CDC14B: variants seen among roughly 807,000 people sequenced by gnomAD.
CDC14B encodes the protein cell division cycle 14B.
CDC14B carries 22 observed loss-of-function variants against 64.2 expected under a neutral mutation model. The ratio of observed to expected loss-of-function variants is 0.34; its 90% CI spans 0.24 to 0.49. The LOEUF (loss-of-function observed/expected upper bound fraction) is 0.49. Ranked by LOEUF, CDC14B falls within the 20% of genes least tolerant of loss-of-function variation. The pLI is 0.99. For missense variants in CDC14B, 498 were observed against 629.9 expected, an observed-to-expected ratio of 0.79 and a Z score of 2.24; for synonymous variants, 191 against 215.8, an observed-to-expected ratio of 0.89 and a Z score of 1.01.
chr9:96,573,740 A>G lies in CDC14B; in HGVS notation c.161-8257T>C, dbSNP rs531152831. ...TAAATTGCATGCTGATGTATGAATT[A>G]AATGTAATAAATTTACATGTTACAT... On this transcript the variant is annotated intron_variant, in intron 1 of 13. Transcript: ENST00000375241. Among the ~76,000 whole-genome samples, 23 of 152,338 alleles carry G rather than the reference A, an allele frequency of 1.5e-4. No individual in the cohort carries two copies. The South Asian group carries it at 4.4e-3, about 29-fold the overall frequency.
intron 1 of CDC14B, among the ~76,000 whole-genome samples, chr9:96,583,727 A>AT (rs1382940764): frequency 1.9e-4 from 26 of 138,476 alleles, no homozygotes; most frequent in South Asian, 1.2e-3. Context: ...TTTTATTTTT[A>AT]TTTTTTTTTG....
chr9:96,597,167 A>C (rs1466646432), intron 1 of CDC14B, among the ~76,000 whole-genome samples: 1 of 152,192 alleles, frequency 6.6e-6, no homozygotes, highest in African/African-American at 2.4e-5. Flanking sequence ...AAAGAAGGCT[A>C]TCAGATTTAT....
At chr9:96,566,890 A>AC (rs1844075773) in intron 1 of CDC14B, 5 of 1,552,674 alleles carry the variant, frequency 3.2e-6, no homozygotes, top group East Asian at 4.8e-5. Context: ...CCGCGACCAC[A>AC]CCCCCGAAGT....
At chr9:96,565,943 T>C (rs1299757270) in intron 1 of CDC14B, among the ~76,000 whole-genome samples, 1 of 152,234 alleles carries the variant, frequency 6.6e-6, no homozygotes, top group African/African-American at 2.4e-5. Context: ...TGCTTCAAAA[T>C]TACCGCTTAC....
chr9:96,523,837 G>A (rs1837155233), intron 9 of CDC14B, 112 bp from the exon 10 acceptor site: 1 of 1,105,220 alleles, frequency 9.0e-7, no homozygotes, highest in African/African-American at 1.6e-5. Flanking sequence ...TCTTTCAATA[G>A]TGGTTCTCAA....
intron 1 of CDC14B, among the ~76,000 whole-genome samples, chr9:96,616,562 A>G (rs769387110): frequency 6.6e-6 from 1 of 151,736 alleles, no homozygotes; most frequent in African/African-American, 2.4e-5. Flanking sequence ...TGTCTCTACT[A>G]AAAATACAAA....
At chr9:96,568,992 G>A (rs946454186) in intron 1 of CDC14B, among the ~76,000 whole-genome samples, 8 of 152,058 alleles carry the variant, frequency 5.3e-5, no homozygotes, top group Non-Finnish European at 1.0e-4. Context: ...ACTTCTATGT[G>A]TGAGTTTAAA....
At chr9:96,580,741 A>G (rs1845098355) in intron 1 of CDC14B, among the ~76,000 whole-genome samples, 1 of 152,186 alleles carries the variant, frequency 6.6e-6, no homozygotes, top group Non-Finnish European at 1.5e-5. Context: ...AATGGAAATA[A>G]TTGTCATTAA....
Position 96,581,641 on chromosome 9 carries a change from A to T in CDC14B, c.161-16158T>A, listed in dbSNP as rs561568181. 1.3e-3 allele frequency among the ~76,000 whole-genome samples: 204 copies of T among 152,152 alleles called. 2 individuals carry two copies. Among genetic ancestry groups the T allele is most frequent in the African/African-American group, 4.7e-3 (196 of 41,504 alleles). Reference sequence around the variant, plus strand: ...TCAAGGATTTGGGGGCAGGGAAGGAAGTATTTACTTTTTGAGTATTAGGTG... The same window carrying T: ...TCAAGGATTTGGGGGCAGGGAAGGATGTATTTACTTTTTGAGTATTAGGTG... On this transcript the variant is annotated intron_variant, in intron 1 of 13. Coordinates refer to ENST00000375241, the MANE Select transcript of CDC14B (RefSeq NM_033331.4).
chr9:96,593,581 T>C (rs1265752550), intron 1 of CDC14B, among the ~76,000 whole-genome samples: 1 of 151,890 alleles, frequency 6.6e-6, no homozygotes, highest in Non-Finnish European at 1.5e-5. Context: ...ATATAAATAA[T>C]TAACAGGATT....
At chr9:96,577,494 T>G (rs566468413) in intron 1 of CDC14B, among the ~76,000 whole-genome samples, 5 of 152,282 alleles carry the variant, frequency 3.3e-5, no homozygotes, top group African/African-American at 9.6e-5. Flanking sequence ...CAAAAAAAAT[T>G]AATTATTTCT....
chr9:96,512,823 G>A (rs188852502), intron 12 of CDC14B, among the ~76,000 whole-genome samples: 115 of 150,842 alleles, frequency 7.6e-4, no homozygotes, highest in Middle Eastern at 3.4e-3. Context: ...CTTACGCACG[G>A]AGAAAACAAG....
intron 1 of CDC14B, among the ~76,000 whole-genome samples, chr9:96,615,650 C>A (rs1255269856): frequency 1.3e-5 from 2 of 152,168 alleles, no homozygotes; most frequent in African/African-American, 4.8e-5. Context: ...CTTGTGGGAA[C>A]GCTGGCGGCG....
chr9:96,491,583 C>T (rs1406581928), exon 14 of CDC14B: 3 of 152,160 alleles, frequency 2.0e-5, no homozygotes, highest in Admixed American at 6.5e-5. Flanking sequence ...TGAACCTAGC[C>T]GGTACAACAT....
intron 1 of CDC14B, among the ~76,000 whole-genome samples, chr9:96,594,373 C>G (rs913619598): frequency 1.2e-4 from 19 of 152,110 alleles, no homozygotes; most frequent in Admixed American, 1.1e-3. Context: ...TCCAAAGTAT[C>G]CAACAGAATC....
At chr9:96,575,053 C>A (rs1284743873) in intron 1 of CDC14B, among the ~76,000 whole-genome samples, 1 of 152,176 alleles carries the variant, frequency 6.6e-6, no homozygotes, top group Non-Finnish European at 1.5e-5. Flanking sequence ...CAACAAATAA[C>A]CCTGAAATCT....
At chr9:96,540,233 A>G (rs1234850358) in intron 6 of CDC14B, among the ~76,000 whole-genome samples, 2 of 152,240 alleles carry the variant, frequency 1.3e-5, no homozygotes, top group Non-Finnish European at 2.9e-5. Flanking sequence ...CACACTGAAA[A>G]CATAATTACA....
At position 96,557,556 on chromosome 9, in the gene CDC14B, A is replaced by T. The variant is rs568566466; in HGVS notation, c.420+5137T>A. 5.3e-4 allele frequency among the ~76,000 whole-genome samples: 81 copies of T among 152,338 alleles called. No individual in the cohort carries two copies. In the South Asian group the frequency reaches 0.017, roughly 31 times the overall value. On this transcript the variant is annotated intron_variant, in intron 4 of 13. Transcript: ENST00000375241. ...AAAAGTGGGACCACAGATTCAAAAG[A>T]TCATCATTAAATAACAAAGTCCCTG... is the stretch of plus-strand genomic sequence containing the variant.
intron 1 of CDC14B, 146 bp downstream of exon 1, chr9:96,619,073 G>T: frequency 1.9e-6 from 1 of 522,676 alleles, no homozygotes; most frequent in Non-Finnish European, 2.8e-6. Context: ...TAAAGGGGGT[G>T]TGGCGGCCGG....
Sources: allele counts gnomAD v4.1 joint callset (sites outside exome capture counted in the v4.1 genomes callset), GRCh38; gene constraint gnomAD v4.1.1; transcripts MANE v1.5; gene names NCBI Gene and HGNC (gene_info 2026-07-23, HGNC 2026-07-21).